Variants in TG observed in about 807,000 individuals in gnomAD.
TG encodes thyroid hormones.
A neutral mutation model predicts 324.7 loss-of-function variants in TG; 270 were observed. The ratio of observed to expected loss-of-function variants is 0.83; its 90% CI spans 0.75 to 0.92. The LOEUF (loss-of-function observed/expected upper bound fraction) is 0.92. Ranked by LOEUF, TG falls within the 40% of genes least tolerant of loss-of-function variation. The pLI is 0.00. For synonymous variants in TG, 1,401 were observed against 1,327.0 expected (o/e 1.06, Z -1.21); for missense variants, 3,591 against 3,456.4 (o/e 1.04, Z -0.98).
chr8:133,096,252 A>G lies in TG; in HGVS notation c.7451A>G (p.Asp2484Gly), dbSNP rs139123826. Residue 2484 changes from aspartate (D) to glycine (G), a missense_variant, in exon 43 of 48, where the codon GAT (aspartate) becomes GGT (glycine). By Grantham distance (94) the Asp-to-Gly change is moderately conservative (BLOSUM62 -1). Coordinates refer to ENST00000220616, the MANE Select transcript of TG (RefSeq NM_003235.5). ...GPFHYWGPVI[D>G]GHFLREPPAR... ...TTCCACTACTGGGGTCCTGTGATCGATGGCCACTTCCTCCGTGAGCCTCCA... is the reference window on the plus strand; with the variant it reads ...TTCCACTACTGGGGTCCTGTGATCGGTGGCCACTTCCTCCGTGAGCCTCCA... 1.2e-6 allele frequency: 2 copies of G among 1,614,250 alleles called. No homozygotes were observed. Among genetic ancestry groups the G allele is most frequent in the Non-Finnish European group, 1.7e-6 (2 of 1,180,042 alleles).
intron 41 of TG, chr8:133,050,254 T>C (rs534016883): frequency 3.0e-5 from 15 of 499,852 alleles, no homozygotes; most frequent in Middle Eastern, 5.3e-4. Flanking sequence ...TAGCAGCTAA[T>C]GTTCCCAACT....
rs1330322509 is a variant in TG at position 132,887,209 on chromosome 8, G to GCTC, written c.1837_1838insCTC (p.Glu613delinsAlaGln). 1.2e-6 allele frequency: 2 copies of GCTC among 1,612,164 alleles called. No individual in the cohort carries two copies. Among genetic ancestry groups the GCTC allele is most frequent in the African/African-American group, 1.3e-5 (1 of 74,792 alleles). ...CTCCCAGACCTGTGAGCAGACACCT[G>GCTC]AAAGGCTATTTGTCCCATCATGCAC... On this transcript the variant is annotated protein_altering_variant, in exon 9 of 48. Transcript: ENST00000220616.
At chr8:132,991,292 C>A (rs79657253) in intron 35 of TG, among the ~76,000 whole-genome samples, 1 of 152,000 alleles carries the variant, frequency 6.6e-6, no homozygotes, top group Non-Finnish European at 1.5e-5. Context: ...CAGACTGGGA[C>A]GTGTCTGACG....
Position 132,906,750 on chromosome 8 carries a change from A to G in TG, c.3697A>G (p.Thr1233Ala), listed in dbSNP as rs142610289. 2.7e-5 allele frequency: 44 copies of G among 1,614,086 alleles called. No homozygotes were observed. The African/African-American group carries it at 5.9e-4, about 22-fold the overall frequency. ...GGTTGGTGGAACAATCCTGTGTGAG[A>G]CAATCTCGGGCCCCACAGGCTCTGC... is the stretch of plus-strand genomic sequence containing the variant. Reference protein sequence around the residue: ...EVVGGTILCETISGPTGSAMQ... With the variant: ...EVVGGTILCEAISGPTGSAMQ... The change falls in exon 17 of 48, where the codon ACA becomes GCA. Residue 1233 changes from threonine to alanine, a missense_variant. Coordinates refer to ENST00000220616, the MANE Select transcript of TG (RefSeq NM_003235.5).
At chr8:133,010,263 T>A (rs936424141) in intron 35 of TG, among the ~76,000 whole-genome samples, 2 of 152,188 alleles carry the variant, frequency 1.3e-5, no homozygotes, top group Non-Finnish European at 2.9e-5. Flanking sequence ...AAAGAGGCAC[T>A]AGAGCCCCTA....
At chr8:133,105,862 G>C (rs1288923900) in intron 43 of TG, among the ~76,000 whole-genome samples, 1 of 152,176 alleles carries the variant, frequency 6.6e-6, no homozygotes, top group African/African-American at 2.4e-5. Flanking sequence ...GAGAGGTGGG[G>C]GATGGGGCGT....
intron 41 of TG, among the ~76,000 whole-genome samples, chr8:133,094,411 T>C (rs1306957623): frequency 6.6e-6 from 1 of 151,918 alleles, no homozygotes; most frequent in East Asian, 1.9e-4. Flanking sequence ...TGGCTAGTTT[T>C]TTGTATTTTT....
intron 41 of TG, among the ~76,000 whole-genome samples, chr8:133,090,966 A>G (rs1847416455): frequency 6.6e-6 from 1 of 152,164 alleles, no homozygotes; most frequent in African/African-American, 2.4e-5. Flanking sequence ...CCTAGGCTCA[A>G]ATCCTGGCTC....
At chr8:133,004,645 G>T (rs556992538) in intron 35 of TG, among the ~76,000 whole-genome samples, 2 of 152,294 alleles carry the variant, frequency 1.3e-5, no homozygotes, top group South Asian at 4.1e-4. Flanking sequence ...TGTTGTGTTT[G>T]GTGAGTGGGT....
chr8:133,113,587 C>T lies in TG; in HGVS notation c.7738C>T (p.Leu2580=). 6.2e-7 allele frequency: 1 copy of T among 1,614,126 alleles called. No homozygotes were observed. Among genetic ancestry groups the T allele is most frequent in the Non-Finnish European group, 8.5e-7 (1 of 1,180,014 alleles). Residue 2580 remains leucine (L), a synonymous_variant, in exon 44 of 48, where the codon CTG becomes TTG. Coordinates refer to ENST00000220616, the MANE Select transcript of TG (RefSeq NM_003235.5). ...TGACTATGCCTCCTTCTCCCGGGCT[C>T]TGGAGAATGCCACCCGGTAAGCTAA... is the stretch of plus-strand genomic sequence containing the variant. ...TDDYASFSRA[L]ENATRDYFII...
intron 41 of TG, among the ~76,000 whole-genome samples, chr8:133,043,219 G>C (rs141222812): frequency 6.6e-6 from 1 of 152,106 alleles, no homozygotes; most frequent in Non-Finnish European, 1.5e-5. Flanking sequence ...GTCAAGCAGC[G>C]GCAGTTAGAT....
intron 35 of TG, 75 bp downstream of exon 35, chr8:132,983,487 T>C: frequency 6.9e-7 from 1 of 1,450,286 alleles, no homozygotes; most frequent in Non-Finnish European, 9.7e-7. Context: ...TCCCCCTTGC[T>C]TTTGTACAGA....
chr8:132,976,479 A>G (rs1034703215), intron 34 of TG, among the ~76,000 whole-genome samples: 1 of 152,224 alleles, frequency 6.6e-6, no homozygotes, highest in African/African-American at 2.4e-5. Context: ...CGATGAAACC[A>G]TAGAGGAGGT....
intron 34 of TG, among the ~76,000 whole-genome samples, chr8:132,978,563 G>A (rs1830448210): frequency 6.6e-6 from 1 of 152,170 alleles, no homozygotes; most frequent in East Asian, 1.9e-4. Context: ...TTACTGTAGT[G>A]GAATCCCAGG....
chr8:132,882,917 G>C lies in TG; in HGVS notation c.993G>C (p.Gln331His), dbSNP rs61745783. 3.2e-4 allele frequency: 516 copies of C among 1,614,102 alleles called. No individual in the cohort carries two copies. The highest frequency in any genetic ancestry group is 4.2e-4 in the Admixed American group (25 of 60,000). The change falls in exon 8 of 48, where the codon CAG becomes CAC. Residue 331 changes from glutamine (Q) to histidine (H), a missense_variant. By Grantham distance (24) the Gln-to-His change is conservative (BLOSUM62 0). Coordinates refer to ENST00000220616, the MANE Select transcript of TG (RefSeq NM_003235.5). Reference sequence around the variant, plus strand: ...GCGACTATCAGGCGGTGCAGTGCCAGACGGAAGGGCCCTGCTGGTGTGTGG... The same window carrying C: ...GCGACTATCAGGCGGTGCAGTGCCACACGGAAGGGCCCTGCTGGTGTGTGG... ...RNGDYQAVQC[Q>H]TEGPCWCVDA... is the part of the protein sequence containing the mutation.
intron 40 of TG, among the ~76,000 whole-genome samples, chr8:133,023,419 G>C (rs1261763483): frequency 6.6e-6 from 1 of 151,956 alleles, no homozygotes; most frequent in Admixed American, 6.5e-5. Context: ...CCAAATCTCA[G>C]TTTTCTTGGT....
intron 41 of TG, among the ~76,000 whole-genome samples, chr8:133,063,365 C>T (rs1346258175): frequency 6.6e-6 from 1 of 151,878 alleles, no homozygotes; most frequent in African/African-American, 2.4e-5. Context: ...TCCTTTATGT[C>T]AACCATTCCA....
intron 14 of TG, among the ~76,000 whole-genome samples, chr8:132,899,497 C>T (rs1465163642): frequency 6.6e-6 from 1 of 152,162 alleles, no homozygotes; most frequent in Admixed American, 6.5e-5. Context: ...GCTCAGCTTC[C>T]AAAGACTTGA....
At chr8:132,867,867 C>A (rs1037035580) in intron 1 of TG, among the ~76,000 whole-genome samples, 2 of 151,764 alleles carry the variant, frequency 1.3e-5, no homozygotes, top group Non-Finnish European at 2.9e-5. Flanking sequence ...AGACGACTTT[C>A]GCTGCCTGAG....
Sources: gnomAD v4.1 joint callset for allele counts (sites outside exome capture counted in the v4.1 genomes callset) on GRCh38, gnomAD v4.1.1 for gene constraint, MANE v1.5 for transcripts, NCBI Gene and HGNC (gene_info 2026-07-23, HGNC 2026-07-21) for gene names.